YEATS2: variants seen among roughly 807,000 people sequenced by gnomAD.
YEATS2 encodes the protein YEATS domain-containing protein 2.
A neutral mutation model predicts 163.2 loss-of-function variants in YEATS2; 77 were observed. The observed-to-expected ratio is 0.47, with a 90% CI of 0.39 to 0.57. The LOEUF (loss-of-function observed/expected upper bound fraction) is 0.57. YEATS2 is among the 20% of genes least tolerant of loss of function. YEATS2 has a pLI of 0.00. For missense variants in YEATS2, 1,549 were observed against 1,729.8 expected (o/e 0.90, Z 1.85); for synonymous variants, 631 against 645.1 (o/e 0.98, Z 0.33).
chr3:183,744,498 A>G (rs1475435064), intron 8 of YEATS2, among the ~76,000 whole-genome samples: 2 of 152,190 alleles, frequency 1.3e-5, no homozygotes, highest in Non-Finnish European at 2.9e-5. Flanking sequence ...GTCTCTAAAC[A>G]AAAGGAATTC....
chr3:183,781,653 AG>A (rs1261983178), intron 19 of YEATS2, among the ~76,000 whole-genome samples: 4 of 152,220 alleles, frequency 2.6e-5, no homozygotes, highest in Admixed American at 6.5e-5. Flanking sequence ...TTTTCCTTTT[AG>A]CCCCACATCC....
rs143128332 is a variant in YEATS2, at chr3:183,803,200, G to T, written c.3503-56G>T. On this transcript the variant is annotated intron_variant, in intron 25 of 30. Coordinates refer to ENST00000305135, the MANE Select transcript of YEATS2 (RefSeq NM_018023.5). ...GACTGGCTTGCCTCCAGCAAATGAC[G>T]TGTGGTTGGAATCGTAAGAGCTTTA... 7,517 of 1,573,520 alleles carry T rather than the reference G, an allele frequency of 4.8e-3. 535 individuals carry two copies. The Admixed American group carries it at 0.13, about 27-fold the overall frequency.
At chr3:183,699,054 G>T (rs1217017994) in intron 1 of YEATS2, among the ~76,000 whole-genome samples, 2 of 152,182 alleles carry the variant, frequency 1.3e-5, no homozygotes, top group African/African-American at 4.8e-5. Flanking sequence ...GAGGAAGAGG[G>T]CTGGGGAGGA....
chr3:183,764,885 AC>A (rs1721748412), intron 15 of YEATS2, among the ~76,000 whole-genome samples: 1 of 152,224 alleles, frequency 6.6e-6, no homozygotes, highest in Non-Finnish European at 1.5e-5. Context: ...TCTCAGACTT[AC>A]CTGGTTATAA....
intron 8 of YEATS2, among the ~76,000 whole-genome samples, chr3:183,740,259 A>G (rs1225811421): frequency 1.3e-5 from 2 of 152,086 alleles, no homozygotes; most frequent in Non-Finnish European, 2.9e-5. Flanking sequence ...ATTTACAAGA[A>G]AAAAACAAAC....
At chr3:183,761,246 C>T (rs1411119773) in intron 13 of YEATS2, among the ~76,000 whole-genome samples, 1 of 152,030 alleles carries the variant, frequency 6.6e-6, no homozygotes, top group African/African-American at 2.4e-5. Flanking sequence ...CGCCACCACA[C>T]CCGGCTAATT....
At chr3:183,728,608 T>G (rs1372296430) in intron 6 of YEATS2, 82 bp from the exon 7 acceptor site, 6 of 1,306,950 alleles carry the variant, frequency 4.6e-6, no homozygotes, top group Non-Finnish European at 6.1e-6. Context: ...AACCTTGTTT[T>G]TAAGTTTAAG....
intron 1 of YEATS2, among the ~76,000 whole-genome samples, chr3:183,709,146 G>T (rs1235571418): frequency 6.6e-6 from 1 of 151,432 alleles, no homozygotes; most frequent in African/African-American, 2.4e-5. Flanking sequence ...GGCGACAAAA[G>T]TGAGACTCTG....
chr3:183,732,815 T>C (rs1457193997), intron 7 of YEATS2, among the ~76,000 whole-genome samples: 1 of 152,160 alleles, frequency 6.6e-6, no homozygotes, highest in African/African-American at 2.4e-5. Flanking sequence ...CACCTCGGCC[T>C]CCCAAAGTGC....
chr3:183,729,800 G>A (rs1456958820), intron 7 of YEATS2, among the ~76,000 whole-genome samples: 1 of 151,714 alleles, frequency 6.6e-6, no homozygotes, highest in Admixed American at 6.6e-5. Context: ...CGATTCTTCT[G>A]CCTCAGCCTC....
intron 17 of YEATS2, among the ~76,000 whole-genome samples, chr3:183,775,459 G>T (rs563271559): frequency 2.8e-4 from 43 of 152,192 alleles, no homozygotes; most frequent in Non-Finnish European, 5.7e-4. Context: ...GCTGGGCATG[G>T]TGGCACACGC....
intron 4 of YEATS2, among the ~76,000 whole-genome samples, chr3:183,720,181 T>A (rs537389223): frequency 2.4e-4 from 36 of 152,320 alleles, no homozygotes; most frequent in Non-Finnish European, 2.9e-4. Flanking sequence ...ACCACTTGGT[T>A]AATGTGATCA....
chr3:183,724,430 A>G lies in YEATS2; in HGVS notation c.549A>G (p.Arg183=). ...PSRNTGRDTS[R]ITGSHKTEQR... ...ATGATTTTTTTCAGGATACTTCTAG[A>G]ATTACTGGCTCCCATAAAACAGAAC... Residue 183 remains arginine, a synonymous_variant, in exon 6 of 31, where the codon AGA becomes AGG. Coordinates refer to ENST00000305135, the MANE Select transcript of YEATS2 (RefSeq NM_018023.5). 1 of 1,612,220 alleles carries G rather than the reference A, an allele frequency of 6.2e-7. No individual in the cohort carries two copies. Among genetic ancestry groups the G allele is most frequent in the Non-Finnish European group, 8.5e-7 (1 of 1,179,138 alleles).
chr3:183,794,937 A>G (rs1040046546), intron 21 of YEATS2, among the ~76,000 whole-genome samples: 2 of 151,896 alleles, frequency 1.3e-5, no homozygotes, highest in Admixed American at 6.6e-5. Context: ...TGGGAGGCCA[A>G]CGCAGGCAGA....
At chr3:183,703,981 T>A (rs1714369341) in intron 1 of YEATS2, among the ~76,000 whole-genome samples, 1 of 151,436 alleles carries the variant, frequency 6.6e-6, no homozygotes, top group African/African-American at 2.4e-5. Context: ...ACTAAAAAAA[T>A]AAAATAAAAT....
At chr3:183,756,113 G>T (rs924428440) in intron 11 of YEATS2, among the ~76,000 whole-genome samples, 1 of 152,130 alleles carries the variant, frequency 6.6e-6, no homozygotes, top group African/African-American at 2.4e-5. Context: ...TGCCTATGGT[G>T]TTAAAAGATT....
chr3:183,744,819 C>T (rs1172504174), intron 8 of YEATS2, among the ~76,000 whole-genome samples: 1 of 152,098 alleles, frequency 6.6e-6, no homozygotes, highest in African/African-American at 2.4e-5. Flanking sequence ...ATCTCTTTTA[C>T]ATTCCGTCCT....
At chr3:183,741,663 T>G (rs1209374075) in intron 8 of YEATS2, among the ~76,000 whole-genome samples, 2 of 151,992 alleles carry the variant, frequency 1.3e-5, no homozygotes, top group Non-Finnish European at 2.9e-5. Context: ...ACACCTGTAG[T>G]CCCAGCTACT....
At chr3:183,796,105 C>T (rs1233789162) in intron 21 of YEATS2, among the ~76,000 whole-genome samples, 2 of 150,832 alleles carry the variant, frequency 1.3e-5, no homozygotes, top group Admixed American at 6.6e-5. Context: ...GCCTCAGCCT[C>T]CCAAGTAGCT....
Sources: gnomAD v4.1 joint callset for allele counts (sites outside exome capture counted in the v4.1 genomes callset) on GRCh38, gnomAD v4.1.1 for gene constraint, MANE v1.5 for transcripts, NCBI Gene and HGNC (gene_info 2026-07-23, HGNC 2026-07-21) for gene names.